NCOA7: variants seen among roughly 807,000 people sequenced by gnomAD.
NCOA7 encodes the protein nuclear receptor coactivator 7.
A neutral mutation model predicts 104.3 loss-of-function variants in NCOA7; 45 were observed. The ratio of observed to expected loss-of-function variants is 0.43; its 90% CI spans 0.34 to 0.55. The LOEUF (loss-of-function observed/expected upper bound fraction) is 0.55, where lower values mean the gene tolerates loss of function less well. Ranked by LOEUF, NCOA7 falls within the 20% of genes least tolerant of loss-of-function variation. The pLI, the probability that NCOA7 is intolerant of heterozygous loss-of-function variation, is 0.02. For missense variants in NCOA7, 1,041 were observed against 1,119.7 expected (o/e 0.93, Z 1.00); for synonymous variants, 398 against 402.3 (o/e 0.99, Z 0.13).
At position 125,815,197 on chromosome 6, in the gene NCOA7, T is replaced by G. The variant is rs1022743443; in HGVS notation, c.-64-94T>G. The G allele has an allele frequency of 2.7e-5, 12 of 441,092 alleles. No individual in the cohort carries two copies. The Middle Eastern group carries it at 1.5e-3, about 56-fold the overall frequency. 27.3% of individuals were successfully genotyped at this position (441,092 alleles called of 1,614,324 possible). The stretch of plus-strand genomic sequence containing the variant: ...TCCTGGTTAAAGTTTATTTTTCATT[T>G]GTTTTAGTCCATGTAGTTCTACTCC... On this transcript the variant is annotated intron_variant, in intron 1 of 15. Coordinates refer to ENST00000392477, the MANE Select transcript of NCOA7 (RefSeq NM_181782.5).
chr6:125,919,032 G>A (rs1787327801), intron 11 of NCOA7, among the ~76,000 whole-genome samples: 1 of 152,100 alleles, frequency 6.6e-6, no homozygotes, highest in Non-Finnish European at 1.5e-5. Flanking sequence ...AGGAAAAAAA[G>A]TATAAGAAGG....
Position 125,881,216 on chromosome 6 carries a change from T to C in NCOA7, c.573+13T>C. On this transcript the variant is annotated intron_variant, in intron 6 of 15. Transcript: ENST00000392477. Reference sequence around the variant, plus strand: ...TGATAAATTGCCTGTATGTATATTATGCACTGAAGTTCATTTTTATTAAAG... The same window carrying C: ...TGATAAATTGCCTGTATGTATATTACGCACTGAAGTTCATTTTTATTAAAG... 6.5e-7 allele frequency: 1 copy of C among 1,526,940 alleles called. No homozygotes were observed. The highest frequency in any genetic ancestry group is 1.7e-4 in the Middle Eastern group (1 of 5,898). The allele number at this position is 1,526,940 out of a possible 1,614,324, so 94.6% of individuals were successfully genotyped here.
chr6:125,866,253 CG>C (rs968618937), intron 3 of NCOA7, among the ~76,000 whole-genome samples: 23 of 151,798 alleles, frequency 1.5e-4, no homozygotes, highest in African/African-American at 5.1e-4. Flanking sequence ...CGCTTGAACC[CG>C]TGAGGTGGAG....
At chr6:125,876,145 A>G (rs1239960040) in intron 4 of NCOA7, among the ~76,000 whole-genome samples, 1 of 152,202 alleles carries the variant, frequency 6.6e-6, no homozygotes, top group Non-Finnish European at 1.5e-5. Context: ...ATTTGTAAGC[A>G]ATGCCAGACC....
In NCOA7 at chr6:125,929,488, A is replaced by G. The variant is rs150273436; in HGVS notation, c.*717A>G. On this transcript the variant is annotated 3_prime_UTR_variant, in exon 16 of 16. Coordinates refer to ENST00000392477, the MANE Select transcript of NCOA7 (RefSeq NM_181782.5). ...TATCTGTATGTGGGTATATAGAGAT[A>G]TATGTGTGTGTGTATGTATATGTAC... 1 of 152,152 alleles carries G rather than the reference A, an allele frequency of 6.6e-6. No homozygotes were observed. The highest frequency in any genetic ancestry group is 2.4e-5 in the African/African-American group (1 of 41,536). The allele number at this position is 152,152 out of a possible 1,614,324, so 9.4% of individuals were successfully genotyped here.
chr6:125,892,306 A>G (rs2128661512), intron 10 of NCOA7, among the ~76,000 whole-genome samples: 1 of 152,324 alleles, frequency 6.6e-6, no homozygotes, highest in South Asian at 2.1e-4. Flanking sequence ...AATCCCACAC[A>G]TGTAATTATT....
chr6:125,791,613 C>T (rs1774867253), intron 1 of NCOA7, among the ~76,000 whole-genome samples: 2 of 152,282 alleles, frequency 1.3e-5, no homozygotes, highest in South Asian at 4.1e-4. Flanking sequence ...AGAGAAGGTC[C>T]TTCTAGAAGT....
At chr6:125,828,341 T>C (rs1778838996) in intron 2 of NCOA7, among the ~76,000 whole-genome samples, 1 of 152,216 alleles carries the variant, frequency 6.6e-6, no homozygotes, top group Admixed American at 6.5e-5. Flanking sequence ...AAGTATCCAT[T>C]AAGATTGACA....
At position 125,889,664 on chromosome 6, in the gene NCOA7, C is replaced by T; in HGVS notation, c.1610C>T (p.Ser537Phe). ...AAGAACAAAGAAGGGCCACAGGTATCTGAAAATTTGCAGAAAACAGAATTA... is the reference window on the plus strand; with the variant it reads ...AAGAACAAAGAAGGGCCACAGGTATTTGAAAATTTGCAGAAAACAGAATTA... ...LTKNKEGPQV[S>F]ENLQKTELSD... The change falls in exon 9 of 16, where the codon TCT (serine) becomes TTT (phenylalanine). Residue 537 changes from serine to phenylalanine, a missense_variant. By Grantham distance (155) the Ser-to-Phe change is radical (BLOSUM62 -2). Transcript: ENST00000392477. 1 of 1,614,054 alleles carries T rather than the reference C, an allele frequency of 6.2e-7. No homozygotes were observed. Among genetic ancestry groups the T allele is most frequent in the Non-Finnish European group, 8.5e-7 (1 of 1,180,000 alleles).
Position 125,885,334 on chromosome 6 carries a change from C to T in NCOA7, c.875C>T (p.Ala292Val), listed in dbSNP as rs773584572. Residue 292 changes from alanine to valine, a missense_variant, in exon 8 of 16, where the codon GCC becomes GTC. Transcript: ENST00000392477. ...ATTTCTCACATGAAGATCAAAGATG[C>T]CTTGCCATCGTAAGACATTTATTTG... is the stretch of plus-strand genomic sequence containing the variant. ...NDISHMKIKD[A>V]LPSDLPQDLC... is the part of the protein sequence containing the mutation. The T allele has an allele frequency of 2.5e-6, 4 of 1,613,074 alleles. No individual in the cohort carries two copies. The highest frequency in any genetic ancestry group is 3.3e-4 in the Middle Eastern group (2 of 6,056).
chr6:125,879,129 T>C (rs534599378), intron 5 of NCOA7, among the ~76,000 whole-genome samples: 1 of 152,350 alleles, frequency 6.6e-6, no homozygotes, highest in South Asian at 2.1e-4. Flanking sequence ...AAATAAGAGC[T>C]ATATACCAAG....
chr6:125,900,332 C>T (rs1415976866), intron 10 of NCOA7, among the ~76,000 whole-genome samples: 4 of 152,220 alleles, frequency 2.6e-5, no homozygotes, highest in African/African-American at 4.8e-5. Context: ...TCTGAATCCA[C>T]GCTATGGGCT....
At position 125,840,868 on chromosome 6, in the gene NCOA7, G is replaced by GTTTTTTTTTTTTTTTTTTTTTT. The variant is rs57168444; in HGVS notation, c.51-14131_51-14110dup. On this transcript the variant is annotated intron_variant, in intron 2 of 15. Transcript: ENST00000392477. ...TTTTATGGTTTTTTTTGTTTGGTTG[G>GTTTTTTTTTTTTTTTTTTTTTT]TTTTTTTTTTTTTTTTTTTTTTTTT... Among the ~76,000 whole-genome samples the GTTTTTTTTTTTTTTTTTTTTTT allele has an allele frequency of 1.7e-4, 7 of 40,374 alleles. 1 individual carries two copies. Among genetic ancestry groups the GTTTTTTTTTTTTTTTTTTTTTT allele is most frequent in the African/African-American group, 3.1e-4 (3 of 9,660 alleles). The allele number at this position is 40,374 out of a possible 152,430, so 26.5% of individuals were successfully genotyped here.
intron 2 of NCOA7, among the ~76,000 whole-genome samples, chr6:125,849,109 G>C (rs1249885078): frequency 1.3e-5 from 2 of 152,166 alleles, no homozygotes; most frequent in Non-Finnish European, 2.9e-5. Flanking sequence ...CCCTGGCTTT[G>C]CTTACTGCCA....
intron 1 of NCOA7, among the ~76,000 whole-genome samples, chr6:125,781,968 A>G (rs1774247164): frequency 6.6e-6 from 1 of 152,226 alleles, no homozygotes; most frequent in African/African-American, 2.4e-5. Flanking sequence ...TCCAATTTAG[A>G]GCTCCAGCAA....
Position 125,878,245 on chromosome 6 carries a change from C to A in NCOA7, c.352-18C>A. The A allele has an allele frequency of 2.5e-6, 4 of 1,569,338 alleles. No homozygotes were observed. Among genetic ancestry groups the A allele is most frequent in the South Asian group, 1.2e-5 (1 of 84,932 alleles). On this transcript the variant is annotated intron_variant, in intron 4 of 15. Coordinates refer to ENST00000392477, the MANE Select transcript of NCOA7 (RefSeq NM_181782.5). ...TTTTTGCTTTATTTATTGACTCTTA[C>A]CTGTTTGATTATTCTAGGCTGGAAA...
chr6:125,896,970 C>G (rs1195321992), intron 10 of NCOA7, among the ~76,000 whole-genome samples: 1 of 152,210 alleles, frequency 6.6e-6, no homozygotes, highest in Non-Finnish European at 1.5e-5. Context: ...AGGATAAACT[C>G]ATTATGTATA....
chr6:125,821,830 G>A (rs1778214294), intron 2 of NCOA7, among the ~76,000 whole-genome samples: 1 of 151,872 alleles, frequency 6.6e-6, no homozygotes, highest in African/African-American at 2.4e-5. Flanking sequence ...AGAAATGAAT[G>A]CAGAAATAAT....
chr6:125,896,626 T>C (rs955107733), intron 10 of NCOA7, among the ~76,000 whole-genome samples: 3 of 151,970 alleles, frequency 2.0e-5, no homozygotes. Flanking sequence ...ATCACATCTC[T>C]ACAAAAAAAT....
Sources: gnomAD v4.1 joint callset for allele counts (sites outside exome capture counted in the v4.1 genomes callset) on GRCh38, gnomAD v4.1.1 for gene constraint, MANE v1.5 for transcripts, NCBI Gene and HGNC (gene_info 2026-07-23, HGNC 2026-07-21) for gene names.